PEX1: variants seen among roughly 807,000 people sequenced by gnomAD.
PEX1 encodes the protein peroxisomal biogenesis factor 1.
Under a neutral mutation model 152.5 loss-of-function variants are expected in PEX1, and 97 were observed. That is an observed-to-expected ratio of 0.64 (90% CI 0.54 to 0.75). PEX1 has a LOEUF of 0.75. PEX1 is among the 30% of genes least tolerant of loss of function. PEX1 has a pLI of 0.00. For missense variants in PEX1, 1,357 were observed against 1,516.3 expected (o/e 0.89, Z 1.74); for synonymous variants, 485 against 531.6 (o/e 0.91, Z 1.21).
chr7:92,516,065 G>A (rs67041377), intron 5 of PEX1, among the ~76,000 whole-genome samples: 5 of 60,722 alleles, frequency 8.2e-5, no homozygotes, highest in Non-Finnish European at 1.7e-4. Flanking sequence ...AAAAAGAAAA[G>A]AAAAGAAAAG....
intron 22 of PEX1, 44 bp from the exon 23 acceptor site, chr7:92,489,467 TA>T (rs200312888): frequency 5.1e-4 from 788 of 1,535,308 alleles, no homozygotes; most frequent in Middle Eastern, 6.8e-4. Flanking sequence ...ATTAAGGATG[TA>T]AAAAAAAATG....
chr7:92,515,006 C>T (rs1347754873), intron 5 of PEX1, among the ~76,000 whole-genome samples: 2 of 145,872 alleles, frequency 1.4e-5, no homozygotes, highest in Non-Finnish European at 3.0e-5. Context: ...TGGAGATCGC[C>T]ACCACACTCC....
At chr7:92,494,911 G>C (rs1174117929) in intron 17 of PEX1, among the ~76,000 whole-genome samples, 1 of 151,692 alleles carries the variant, frequency 6.6e-6, no homozygotes, top group Non-Finnish European at 1.5e-5. Context: ...AAACTGTTGA[G>C]GTCAAGGTGT....
At chr7:92,504,986 G>A (rs1044974991) in intron 11 of PEX1, 84 bp from the exon 12 acceptor site, 1 of 962,268 alleles carries the variant, frequency 1.0e-6, no homozygotes, top group African/African-American at 1.6e-5. Context: ...CACTAGAAAA[G>A]CTCGATATTG....
chr7:92,489,370 A>T lies in PEX1; in HGVS notation c.3690T>A (p.Ser1230Arg). Residue 1230 changes from serine (S) to arginine (R), a missense_variant, in exon 23 of 24, where the codon AGT becomes AGA. Transcript: ENST00000248633. ...PGPIKTRLAI[S>R]QSHLMTALGH... ...CAAGTGCAGTCATTAAATGTGACTG[A>T]CTAATAGCCAGTCTGGTTTTGATTG... 6.2e-7 allele frequency: 1 copy of T among 1,606,078 alleles called. No individual in the cohort carries two copies. Among genetic ancestry groups the T allele is most frequent in the Non-Finnish European group, 8.5e-7 (1 of 1,172,730 alleles).
In PEX1 at chr7:92,504,886, G is replaced by A. The variant is rs771854311; in HGVS notation, c.1917C>T (p.Asn639=). 6.2e-7 allele frequency: 1 copy of A among 1,613,208 alleles called. No homozygotes were observed. Among genetic ancestry groups the A allele is most frequent in the Non-Finnish European group, 8.5e-7 (1 of 1,179,206 alleles). Residue 639 remains asparagine, a synonymous_variant, in exon 12 of 24, where the codon AAC becomes AAT. Transcript: ENST00000248633. ...CKALRGKRLE[N]IQKTLEVAFS... is the part of the protein sequence containing the mutation. ...AAGCCACCTCTAGGGTTTTTTGTAT[G>A]TTTTCAAGCCTTTTTCCTTAATACA...
rs1562856142 is a variant in PEX1, at chr7:92,504,831, C to T, written c.1972G>A (p.Val658Ile). ...AGGTCAAGGTCATCCAGCAGGACAA[C>T]AGATGGCTGCATCCACACTGCCTCT... Reference protein sequence around the residue: ...FSEAVWMQPSVVLLDDLDLIA... With the variant: ...FSEAVWMQPSIVLLDDLDLIA... The change falls in exon 12 of 24, where the codon GTT (valine) becomes ATT (isoleucine). Residue 658 changes from valine (V) to isoleucine (I), a missense_variant. Transcript: ENST00000248633. 6.2e-7 allele frequency: 1 copy of T among 1,614,050 alleles called. No individual in the cohort carries two copies. The highest frequency in any genetic ancestry group is 1.3e-5 in the African/African-American group (1 of 75,052).
chr7:92,491,480 C>T lies in PEX1; in HGVS notation c.3230G>A (p.Ser1077Asn), dbSNP rs778247096. 2 of 1,610,974 alleles carry T rather than the reference C, an allele frequency of 1.2e-6. No individual in the cohort carries two copies. Among genetic ancestry groups the T allele is most frequent in the East Asian group, 2.2e-5 (1 of 44,860 alleles). ...GLQDGSSSSD[S>N]DLSLSSMVFL... The stretch of plus-strand genomic sequence containing the variant: ...GACCATTGAAGACAGACTTAGGTCA[C>T]TATCAGAGCTGGAACTTCCATCCTA... Residue 1077 changes from serine to asparagine, a missense_variant, in exon 21 of 24, where the codon AGT becomes AAT. Coordinates refer to ENST00000248633, the MANE Select transcript of PEX1 (RefSeq NM_000466.3).
chr7:92,510,857 G>GCTTCA (rs1214339906), intron 8 of PEX1, 87 bp downstream of exon 8: 25 of 724,270 alleles, frequency 3.5e-5, no homozygotes, highest in Non-Finnish European at 5.6e-5. Flanking sequence ...ACTTCACAAT[G>GCTTCA]CAAGGTGTTA....
intron 1 of PEX1, among the ~76,000 whole-genome samples, chr7:92,523,723 C>T (rs1430653121): frequency 6.6e-6 from 1 of 151,966 alleles, no homozygotes; most frequent in East Asian, 1.9e-4. Flanking sequence ...CCCATCTACT[C>T]AGGAAGCCGA....
chr7:92,525,306 G>A (rs1793216671), intron 1 of PEX1, among the ~76,000 whole-genome samples: 1 of 152,188 alleles, frequency 6.6e-6, no homozygotes, highest in Non-Finnish European at 1.5e-5. Context: ...GAAATCTGCA[G>A]GTAAAACCAT....
rs1362124917 is a variant in PEX1 at position 92,517,600 on chromosome 7, A to C, written c.915T>G (p.Val305=). The change falls in exon 5 of 24, where the codon GTT becomes GTG. Residue 305 remains valine (V), a synonymous_variant. Coordinates refer to ENST00000248633, the MANE Select transcript of PEX1 (RefSeq NM_000466.3). The part of the protein sequence containing the change: ...PSIYNASATS[V]FHKHCAIHVF... The stretch of plus-strand genomic sequence containing the variant: ...CATGAATGGCACAGTGTTTATGAAA[A>C]ACAGAGGTTGCTGACGCGTTATATA... 4 of 1,614,116 alleles carry C rather than the reference A, an allele frequency of 2.5e-6. No individual in the cohort carries two copies.
chr7:92,498,081 A>C lies in PEX1; in HGVS notation c.2719-1304T>G, dbSNP rs900968027. On this transcript the variant is annotated intron_variant, in intron 16 of 23. Transcript: ENST00000248633. ...CTCAGTCTCAGAGAAAAAAAAAAAA[A>C]AAAAAAAAACTAAGGCAAAATAACA... Among the ~76,000 whole-genome samples the C allele has an allele frequency of 5.3e-5, 8 of 151,532 alleles. No homozygotes were observed. In the South Asian group the frequency reaches 1.5e-3, roughly 28 times the overall value.
chr7:92,504,095 T>G (rs1585234530), intron 12 of PEX1, among the ~76,000 whole-genome samples: 1 of 152,038 alleles, frequency 6.6e-6, no homozygotes, highest in Non-Finnish European at 1.5e-5. Context: ...TCGGCTCAGT[T>G]GTCAACTCCT....
At chr7:92,511,395 G>A (rs1792459716) in intron 7 of PEX1, among the ~76,000 whole-genome samples, 185 bp downstream of exon 7, 1 of 152,158 alleles carries the variant, frequency 6.6e-6, no homozygotes, top group Admixed American at 6.5e-5. Flanking sequence ...AAAGTGCTGG[G>A]ATTACAGGCA....
intron 19 of PEX1, chr7:92,494,060 T>TC (rs1791512395): frequency 2.0e-6 from 1 of 488,216 alleles, no homozygotes; most frequent in Non-Finnish European, 3.7e-6. Context: ...CATTTTTTTT[T>TC]CCCCAATCAG....
Position 92,528,414 on chromosome 7 carries a change from C to T in PEX1, c.22G>A (p.Ala8Thr). Residue 8 changes from alanine (A) to threonine (T), a missense_variant, in exon 1 of 24, where the codon GCG (alanine) becomes ACG (threonine). Ala to Thr is a moderately conservative substitution (Grantham distance 58). Transcript: ENST00000248633. The part of the protein sequence containing the change: MWGSDRL[A>T]GAGGGGAAVT... ...GCCGCCCCGCCTCCCCCAGCACCCG[C>T]CAGGCGATCGCTGCCCCACATCGTC... The T allele has an allele frequency of 6.3e-7, 1 of 1,596,224 alleles. No homozygotes were observed. The highest frequency in any genetic ancestry group is 1.8e-4 in the Middle Eastern group (1 of 5,534).
At chr7:92,493,919 A>C in intron 19 of PEX1, 1 of 271,690 alleles carries the variant, frequency 3.7e-6, no homozygotes, top group Non-Finnish European at 7.1e-6. Flanking sequence ...AATTATCTCT[A>C]TGAAACCTGC....
intron 12 of PEX1, among the ~76,000 whole-genome samples, chr7:92,504,455 G>T (rs1388697198): frequency 6.6e-6 from 1 of 151,918 alleles, no homozygotes. Flanking sequence ...TTTGTCAAAT[G>T]AACAAAAGAG....
Sources: gnomAD v4.1 joint callset for allele counts (sites outside exome capture counted in the v4.1 genomes callset) on GRCh38, gnomAD v4.1.1 for gene constraint, MANE v1.5 for transcripts, NCBI Gene and HGNC (gene_info 2026-07-23, HGNC 2026-07-21) for gene names.